The following GALNTL5 variants were observed in gnomAD, a reference collection of about 807,000 sequenced individuals.
GALNTL5 encodes polypeptide N-acetylgalactosaminyltransferase like 5.
In GALNTL5, 44 loss-of-function variants were observed where a neutral mutation model predicts 51.0. That is an observed-to-expected ratio of 0.86 (90% CI 0.68 to 1.11). The LOEUF (loss-of-function observed/expected upper bound fraction) is 1.11, where lower values mean the gene tolerates loss of function less well. GALNTL5 is among the 50% of genes least tolerant of loss of function. GALNTL5 has a pLI of 0.00. For synonymous variants in GALNTL5, 192 were observed against 182.8 expected (o/e 1.05, Z -0.41); for missense variants, 528 against 531.8 (o/e 0.99, Z 0.07).
rs200074195 is a variant in GALNTL5 at position 151,990,593 on chromosome 7, G to A, written c.658+3312G>A. On this transcript the variant is annotated intron_variant, in intron 5 of 8. Coordinates refer to ENST00000392800, the MANE Select transcript of GALNTL5 (RefSeq NM_145292.4). ...GAGACTCCATCTCAAAAAAAAAAAA[G>A]CCCACTTTCTCTTGCTGGGCACAGG... Among the ~76,000 whole-genome samples, 300 of 48,212 alleles carry A rather than the reference G, an allele frequency of 6.2e-3. 4 individuals are homozygous for A. Among genetic ancestry groups the A allele is most frequent in the East Asian group, 8.6e-3 (12 of 1,392 alleles). 31.6% of individuals were successfully genotyped at this position (48,212 alleles called of 152,430 possible). A position where few individuals can be genotyped will look rare whatever the true frequency, so the allele number is the denominator to read the frequency against.
At chr7:151,991,315 G>A (rs1037543026) in intron 5 of GALNTL5, among the ~76,000 whole-genome samples, 7 of 152,044 alleles carry the variant, frequency 4.6e-5, no homozygotes, top group Admixed American at 4.6e-4. Flanking sequence ...CTGGTCTCAA[G>A]TTCCCGACCT....
Position 152,010,577 on chromosome 7 carries a change from G to A in GALNTL5, c.1026+2633G>A, listed in dbSNP as rs555940815. ...GAGGTCAGGAGTTTGAGACCAGCCT[G>A]GCTAACATGGTGAAACCCCGTCTCT... On this transcript the variant is annotated intron_variant, in intron 7 of 8. Coordinates refer to ENST00000392800, the MANE Select transcript of GALNTL5 (RefSeq NM_145292.4). 7.7e-4 allele frequency among the ~76,000 whole-genome samples: 117 copies of A among 151,854 alleles called. 2 individuals are homozygous for A. The South Asian group carries it at 0.024, about 31-fold the overall frequency.
intron 7 of GALNTL5, among the ~76,000 whole-genome samples, chr7:152,012,429 G>A (rs996427405): frequency 1.1e-5 from 1 of 87,306 alleles, no homozygotes; most frequent in Non-Finnish European, 2.2e-5. Flanking sequence ...AGGCTGTGGA[G>A]AGAAGGGAAT....
chr7:151,993,682 G>A (rs2081456630), intron 5 of GALNTL5, among the ~76,000 whole-genome samples: 1 of 152,090 alleles, frequency 6.6e-6, no homozygotes, highest in South Asian at 2.1e-4. Flanking sequence ...GTGCAGTGGA[G>A]TATCGAAGCT....
intron 2 of GALNTL5, among the ~76,000 whole-genome samples, chr7:151,969,794 C>G (rs934260596): frequency 4.6e-5 from 7 of 152,094 alleles, no homozygotes; most frequent in African/African-American, 1.7e-4. Context: ...CTAAACAAAA[C>G]TAAATTTTTG....
intron 1 of GALNTL5, among the ~76,000 whole-genome samples, chr7:151,957,307 G>A (rs1050984724): frequency 6.6e-6 from 1 of 151,460 alleles, no homozygotes; most frequent in African/African-American, 2.4e-5. Context: ...ACTTTTGGGG[G>A]CCAAGGCAGA....
chr7:151,964,483 T>C (rs1203703325), intron 1 of GALNTL5, among the ~76,000 whole-genome samples: 1 of 152,148 alleles, frequency 6.6e-6, no homozygotes, highest in East Asian at 1.9e-4. Context: ...TCACGAGATC[T>C]GATGGTTCTA....
intron 8 of GALNTL5, among the ~76,000 whole-genome samples, chr7:152,016,230 C>T (rs555814372): frequency 9.2e-5 from 14 of 151,982 alleles, no homozygotes; most frequent in East Asian, 1.9e-4. Flanking sequence ...CATGGAGAAA[C>T]GCCATCTCTA....
At chr7:151,983,247 G>A (rs989191636) in intron 4 of GALNTL5, 95 bp downstream of exon 4, 9 of 1,024,732 alleles carry the variant, frequency 8.8e-6, no homozygotes, top group Admixed American at 1.7e-5. Context: ...GTACCATCTC[G>A]GCTCACTGCA....
chr7:152,005,010 G>T (rs1198580868), intron 6 of GALNTL5, among the ~76,000 whole-genome samples: 1 of 152,134 alleles, frequency 6.6e-6, no homozygotes, highest in Non-Finnish European at 1.5e-5. Context: ...TCTACTTTTA[G>T]TTCGTTGAGA....
At chr7:151,959,786 G>C (rs189070270) in intron 1 of GALNTL5, among the ~76,000 whole-genome samples, 4 of 152,220 alleles carry the variant, frequency 2.6e-5, no homozygotes, top group Admixed American at 1.3e-4. Context: ...GGAGGGTACT[G>C]GGGGGAAGGT....
chr7:151,961,604 T>G (rs1002138522), intron 1 of GALNTL5, among the ~76,000 whole-genome samples: 3 of 152,186 alleles, frequency 2.0e-5, no homozygotes, highest in African/African-American at 7.2e-5. Context: ...AAGAGGATAC[T>G]TGAGCAAATC....
intron 7 of GALNTL5, 91 bp downstream of exon 7, chr7:152,008,035 A>G (rs932364109): frequency 4.7e-5 from 36 of 758,136 alleles, no homozygotes; most frequent in African/African-American, 3.8e-4. Flanking sequence ...CAATTTTCCT[A>G]CATGAACATC....
At chr7:151,983,321 G>A (rs2151947329) in intron 4 of GALNTL5, among the ~76,000 whole-genome samples, 169 bp downstream of exon 4, 2 of 152,230 alleles carry the variant, frequency 1.3e-5, no homozygotes, top group African/African-American at 4.8e-5. Flanking sequence ...GGGATTACAG[G>A]TGCATGCCAC....
At chr7:151,963,322 C>T (rs1423619573) in intron 1 of GALNTL5, among the ~76,000 whole-genome samples, 3 of 152,224 alleles carry the variant, frequency 2.0e-5, no homozygotes, top group Non-Finnish European at 4.4e-5. Flanking sequence ...CAGGTCTCAA[C>T]TTTCTCTTAG....
intron 5 of GALNTL5, chr7:151,995,433 G>A (rs1050692290): frequency 1.6e-5 from 2 of 127,070 alleles, no homozygotes; most frequent in African/African-American, 5.8e-5. Flanking sequence ...AAACATGGGT[G>A]ATGATTAAAC....
At chr7:152,017,842 TC>T (rs2081838413) in intron 8 of GALNTL5, among the ~76,000 whole-genome samples, 1 of 152,004 alleles carries the variant, frequency 6.6e-6, no homozygotes, top group Non-Finnish European at 1.5e-5. Context: ...AAATGAGAAT[TC>T]TTTTTTTTTT....
chr7:151,970,213 G>T (rs1163673876), intron 2 of GALNTL5, among the ~76,000 whole-genome samples: 1 of 141,400 alleles, frequency 7.1e-6, no homozygotes, highest in Non-Finnish European at 1.5e-5. Context: ...GGGGCGGGGG[G>T]TGGGGGTGGG....
At chr7:151,972,982 C>T (rs2081163512) in intron 3 of GALNTL5, among the ~76,000 whole-genome samples, 1 of 152,156 alleles carries the variant, frequency 6.6e-6, no homozygotes. Context: ...GATCCACCAA[C>T]AGCTTGCACC....
Sources: allele counts gnomAD v4.1 joint callset (sites outside exome capture counted in the v4.1 genomes callset), GRCh38; gene constraint gnomAD v4.1.1; transcripts MANE v1.5; gene names NCBI Gene and HGNC (gene_info 2026-07-23, HGNC 2026-07-21).